Variants in NOL4 observed in about 807,000 individuals in gnomAD.
NOL4 encodes cancer/testis antigen 125.
Under a neutral mutation model 75.9 loss-of-function variants are expected in NOL4, and 17 were observed. The ratio of observed to expected loss-of-function variants is 0.22; its 90% confidence interval spans 0.15 to 0.34. The LOEUF (loss-of-function observed/expected upper bound fraction) is 0.34. NOL4 is among the 10% of genes least tolerant of loss of function. The pLI is 1.00. For missense variants in NOL4, 614 were observed against 793.5 expected, an observed-to-expected ratio of 0.77 and a Z score of 2.72; for synonymous variants, 292 against 289.9, an observed-to-expected ratio of 1.01 and a Z score of -0.07.
intron 9 of NOL4, among the ~76,000 whole-genome samples, chr18:33,928,193 G>A (rs868794741): frequency 4.6e-5 from 7 of 152,214 alleles, no homozygotes; most frequent in Non-Finnish European, 8.8e-5. Context: ...TTGTCTTCAT[G>A]GAGATCCCAG....
chr18:34,089,308 GT>G (rs2078394667), intron 5 of NOL4, among the ~76,000 whole-genome samples: 1 of 151,916 alleles, frequency 6.6e-6, no homozygotes. Context: ...AATTTGTATT[GT>G]TTAGATTTTC....
At chr18:34,155,849 T>C (rs1326817877) in intron 1 of NOL4, among the ~76,000 whole-genome samples, 1 of 152,172 alleles carries the variant, frequency 6.6e-6, no homozygotes, top group Non-Finnish European at 1.5e-5. Context: ...AAAGGTATTC[T>C]ATTATTCTTG....
chr18:34,089,109 G>A (rs541215254), intron 5 of NOL4, among the ~76,000 whole-genome samples: 7 of 151,680 alleles, frequency 4.6e-5, no homozygotes, highest in Non-Finnish European at 1.0e-4. Flanking sequence ...TATAACCATA[G>A]TGAAATAAAA....
At chr18:33,945,789 T>G (rs2068795107) in intron 8 of NOL4, among the ~76,000 whole-genome samples, 2 of 151,794 alleles carry the variant, frequency 1.3e-5, no homozygotes. Context: ...AATAGATTTG[T>G]ACTGAGTTTA....
At chr18:33,918,461 C>T (rs1281653756) in intron 9 of NOL4, among the ~76,000 whole-genome samples, 2 of 151,842 alleles carry the variant, frequency 1.3e-5, no homozygotes, top group African/African-American at 4.9e-5. Flanking sequence ...TAGCAAGTAT[C>T]CTCTCAAGGG....
intron 6 of NOL4, among the ~76,000 whole-genome samples, chr18:33,960,057 T>C (rs1025590129): frequency 3.9e-5 from 6 of 152,116 alleles, no homozygotes; most frequent in Non-Finnish European, 1.5e-5. Context: ...TGATTTCCCC[T>C]AAAACTGCTA....
At chr18:34,151,541 G>A (rs2081637346) in intron 1 of NOL4, among the ~76,000 whole-genome samples, 1 of 151,912 alleles carries the variant, frequency 6.6e-6, no homozygotes, top group Admixed American at 6.6e-5. Flanking sequence ...GTGGTTGCCA[G>A]GGCTTATGGG....
At chr18:33,984,043 G>A (rs947262270) in intron 6 of NOL4, among the ~76,000 whole-genome samples, 2 of 152,014 alleles carry the variant, frequency 1.3e-5, no homozygotes, top group African/African-American at 4.8e-5. Context: ...TATAGCCTGT[G>A]AAAAAATATT....
At chr18:34,110,956 AAAAC>A (rs1370206701) in intron 2 of NOL4, among the ~76,000 whole-genome samples, 1 of 152,146 alleles carries the variant, frequency 6.6e-6, no homozygotes, top group Non-Finnish European at 1.5e-5. Context: ...ATAAACTAGA[AAAAC>A]AATTCAATCA....
intron 10 of NOL4, among the ~76,000 whole-genome samples, chr18:33,879,228 T>C (rs1275600031): frequency 6.6e-6 from 1 of 152,130 alleles, no homozygotes; most frequent in African/African-American, 2.4e-5. Context: ...TCCTGCCCCT[T>C]ATACTGTTTT....
intron 5 of NOL4, among the ~76,000 whole-genome samples, chr18:34,055,228 C>T (rs917483711): frequency 1.3e-5 from 2 of 151,608 alleles, no homozygotes; most frequent in Non-Finnish European, 2.9e-5. Context: ...ATGTATTTTT[C>T]TTTACTGAAG....
chr18:34,116,991 G>A (rs2079891040), intron 2 of NOL4, among the ~76,000 whole-genome samples: 1 of 152,100 alleles, frequency 6.6e-6, no homozygotes, highest in African/African-American at 2.4e-5. Flanking sequence ...TTCCTGAAAT[G>A]GTAGAGAATT....
intron 6 of NOL4, among the ~76,000 whole-genome samples, chr18:33,978,524 A>G (rs762583731): frequency 6.6e-6 from 1 of 152,116 alleles, no homozygotes; most frequent in Non-Finnish European, 1.5e-5. Context: ...AAATTCCTTG[A>G]GGAATTATAA....
At chr18:33,986,754 AAT>A (rs1020315859) in intron 6 of NOL4, among the ~76,000 whole-genome samples, 2 of 152,156 alleles carry the variant, frequency 1.3e-5, no homozygotes, top group African/African-American at 4.8e-5. Context: ...AATCAAAAAA[AAT>A]CTCACACTTA....
intron 1 of NOL4, among the ~76,000 whole-genome samples, chr18:34,139,236 A>C (rs2081034329): frequency 6.6e-6 from 1 of 152,220 alleles, no homozygotes; most frequent in Non-Finnish European, 1.5e-5. Context: ...TGATTGGAAT[A>C]GTTCCAGAAG....
rs535818081 is a variant in NOL4 at position 34,139,235 on chromosome 18, T to G, written c.265-9215A>C. ...TTCCCTCTTTTTCTATTGATTGGAA[T>G]AGTTCCAGAAGGAATGGTACCAGCT... On this transcript the variant is annotated intron_variant, in intron 1 of 10. Transcript: ENST00000261592. Among the ~76,000 whole-genome samples the G allele has an allele frequency of 2.6e-5, 4 of 152,314 alleles. No homozygotes were observed. The South Asian group carries it at 8.3e-4, about 32-fold the overall frequency.
At chr18:33,945,764 C>A (rs772749029) in intron 8 of NOL4, among the ~76,000 whole-genome samples, 22 of 151,696 alleles carry the variant, frequency 1.5e-4, no homozygotes, top group Non-Finnish European at 3.0e-4. Flanking sequence ...CGTAGATAAA[C>A]AGTATAATTT....
intron 2 of NOL4, among the ~76,000 whole-genome samples, chr18:34,112,501 T>C (rs2079643419): frequency 6.6e-6 from 1 of 152,068 alleles, no homozygotes; most frequent in Non-Finnish European, 1.5e-5. Flanking sequence ...TCACTACACA[T>C]ACATAATGAA....
At chr18:33,866,236 C>G (rs561531417) in intron 10 of NOL4, among the ~76,000 whole-genome samples, 1 of 152,116 alleles carries the variant, frequency 6.6e-6, no homozygotes, top group African/African-American at 2.4e-5. Flanking sequence ...ATCTCCCACA[C>G]GTTTGAAAAA....
Sources: allele counts gnomAD v4.1 joint callset (sites outside exome capture counted in the v4.1 genomes callset), GRCh38; gene constraint gnomAD v4.1.1; transcripts MANE v1.5; gene names NCBI Gene and HGNC (gene_info 2026-07-23, HGNC 2026-07-21).